The following CDYL2 variants were observed in gnomAD, a reference collection of about 807,000 sequenced individuals.
The protein encoded by CDYL2 is chromodomain Y like 2.
A neutral mutation model predicts 49.4 loss-of-function variants in CDYL2; 23 were observed. The observed-to-expected ratio is 0.47, with a 90% CI of 0.34 to 0.66. The LOEUF is 0.66. Among genes scored for constraint, CDYL2 ranks in the 30% least tolerant of loss-of-function variants. CDYL2 has a pLI of 0.01. For missense variants in CDYL2, 678 were observed against 656.4 expected (o/e 1.03, Z -0.36); for synonymous variants, 360 against 268.8 (o/e 1.34, Z -3.32).
At chr16:80,777,851 T>C (rs907939419) in intron 1 of CDYL2, among the ~76,000 whole-genome samples, 1 of 152,092 alleles carries the variant, frequency 6.6e-6, no homozygotes, top group Non-Finnish European at 1.5e-5. Flanking sequence ...AAACCAGCAT[T>C]AATTTGACAT....
At chr16:80,649,179 T>A (rs1162933122) in intron 2 of CDYL2, among the ~76,000 whole-genome samples, 1 of 151,998 alleles carries the variant, frequency 6.6e-6, no homozygotes, top group Non-Finnish European at 1.5e-5. Flanking sequence ...GCTTCCAAAG[T>A]GGAAAGAAAG....
intron 4 of CDYL2, among the ~76,000 whole-genome samples, chr16:80,620,109 C>T (rs1907012320): frequency 6.6e-6 from 1 of 152,262 alleles, no homozygotes; most frequent in South Asian, 2.1e-4. Flanking sequence ...ACCAGCTAAA[C>T]AGCCGTAGTG....
intron 1 of CDYL2, among the ~76,000 whole-genome samples, chr16:80,726,229 G>C (rs901240004): frequency 6.6e-6 from 1 of 152,148 alleles, no homozygotes; most frequent in Non-Finnish European, 1.5e-5. Flanking sequence ...AAAGGGATTT[G>C]AGGAACATTT....
chr16:80,626,652 T>A (rs1907318055), intron 3 of CDYL2, among the ~76,000 whole-genome samples: 1 of 152,218 alleles, frequency 6.6e-6, no homozygotes, highest in African/African-American at 2.4e-5. Flanking sequence ...AGGCATGGCG[T>A]GTGCCTGGGT....
At chr16:80,774,040 G>C (rs1906997637) in intron 1 of CDYL2, among the ~76,000 whole-genome samples, 1 of 152,092 alleles carries the variant, frequency 6.6e-6, no homozygotes, top group Non-Finnish European at 1.5e-5. Flanking sequence ...GTGAAGACTT[G>C]ATAATGAAAC....
At chr16:80,735,933 CAG>C (rs1250218632) in intron 1 of CDYL2, among the ~76,000 whole-genome samples, 4 of 152,242 alleles carry the variant, frequency 2.6e-5, no homozygotes, top group African/African-American at 7.2e-5. Context: ...TTAGGAATCA[CAG>C]AGACTCGGGT....
chr16:80,613,169 T>C (rs745483238), intron 4 of CDYL2, among the ~76,000 whole-genome samples: 3 of 151,974 alleles, frequency 2.0e-5, no homozygotes, highest in Non-Finnish European at 4.4e-5. Context: ...ACAGAATTTC[T>C]ATATATCCTA....
intron 1 of CDYL2, among the ~76,000 whole-genome samples, chr16:80,743,663 TTTTG>T (rs570463936): frequency 1.2e-4 from 19 of 152,324 alleles, no homozygotes; most frequent in Admixed American, 5.2e-4. Context: ...TTTCTCTGTT[TTTTG>T]TTTGTTTGTT....
intron 1 of CDYL2, among the ~76,000 whole-genome samples, chr16:80,761,281 C>T (rs1335991885): frequency 6.6e-6 from 1 of 152,196 alleles, no homozygotes; most frequent in African/African-American, 2.4e-5. Context: ...ATCTGGGTTC[C>T]AATCTATCAC....
At chr16:80,608,013 A>G (rs930236067) in intron 6 of CDYL2, 79 bp downstream of exon 6, 7 of 1,428,610 alleles carry the variant, frequency 4.9e-6, no homozygotes, top group Non-Finnish European at 6.5e-6. Context: ...AAGTCAGTGA[A>G]GCCCTCTGAG....
intron 1 of CDYL2, among the ~76,000 whole-genome samples, chr16:80,698,202 G>C (rs1904283811): frequency 6.6e-6 from 1 of 152,028 alleles, no homozygotes. Context: ...ATAGACACAA[G>C]ATTTCATGGC....
intron 3 of CDYL2, among the ~76,000 whole-genome samples, chr16:80,630,088 A>T (rs909558278): frequency 6.6e-6 from 1 of 152,232 alleles, no homozygotes; most frequent in Non-Finnish European, 1.5e-5. Context: ...CCTCTCACAC[A>T]GCCTCTTCAT....
chr16:80,634,650 TA>T (rs1907735694), intron 2 of CDYL2, among the ~76,000 whole-genome samples: 1 of 151,970 alleles, frequency 6.6e-6, no homozygotes, highest in African/African-American at 2.4e-5. Flanking sequence ...ATTTAAAAAA[TA>T]AATAAAAATA....
At chr16:80,768,007 T>A (rs1483941666) in intron 1 of CDYL2, among the ~76,000 whole-genome samples, 4 of 152,180 alleles carry the variant, frequency 2.6e-5, no homozygotes, top group Non-Finnish European at 4.4e-5. Flanking sequence ...AGTCTTCCTA[T>A]CAATCCTGTT....
At chr16:80,637,927 T>C (rs1008279178) in intron 2 of CDYL2, among the ~76,000 whole-genome samples, 3 of 152,212 alleles carry the variant, frequency 2.0e-5, no homozygotes, top group Non-Finnish European at 2.9e-5. Flanking sequence ...AAAAATATTG[T>C]TTATGACAGC....
intron 1 of CDYL2, among the ~76,000 whole-genome samples, chr16:80,786,182 C>T (rs1213469950): frequency 6.6e-6 from 1 of 152,188 alleles, no homozygotes; most frequent in African/African-American, 2.4e-5. Context: ...AGGCAACCTA[C>T]ACAATGGGAG....
At chr16:80,665,879 C>G (rs1909240987) in intron 2 of CDYL2, among the ~76,000 whole-genome samples, 1 of 152,208 alleles carries the variant, frequency 6.6e-6, no homozygotes, top group South Asian at 2.1e-4. Flanking sequence ...GATGTGGCAA[C>G]AGGCACCCAG....
At chr16:80,714,544 CTATT>C (rs1372167382) in intron 1 of CDYL2, among the ~76,000 whole-genome samples, 2 of 152,168 alleles carry the variant, frequency 1.3e-5, no homozygotes, top group Non-Finnish European at 2.9e-5. Flanking sequence ...TGGTTACTCA[CTATT>C]TATATATCTG....
At chr16:80,723,769 C>G (rs577496638) in intron 1 of CDYL2, among the ~76,000 whole-genome samples, 3 of 152,242 alleles carry the variant, frequency 2.0e-5, no homozygotes, top group Admixed American at 2.0e-4. Flanking sequence ...ACCAAATGAC[C>G]TGAAAAATTG....
Sources: gnomAD v4.1 joint callset for allele counts (sites outside exome capture counted in the v4.1 genomes callset) on GRCh38, gnomAD v4.1.1 for gene constraint, MANE v1.5 for transcripts, NCBI Gene and HGNC (gene_info 2026-07-23, HGNC 2026-07-21) for gene names.